Variants in IMMP2L observed in about 807,000 individuals in gnomAD.
IMMP2L encodes the protein mitochondrial inner membrane protease subunit 2.
A neutral mutation model predicts 19.3 loss-of-function variants in IMMP2L; 18 were observed. The ratio of observed to expected loss-of-function variants is 0.93; its 90% CI spans 0.64 to 1.38. The LOEUF (loss-of-function observed/expected upper bound fraction) is 1.38. IMMP2L is among the 40% of genes most tolerant of loss of function. The pLI is 0.00. For missense variants in IMMP2L, 233 were observed against 218.2 expected, an observed-to-expected ratio of 1.07 and a Z score of -0.43; for synonymous variants, 76 against 73.0, an observed-to-expected ratio of 1.04 and a Z score of -0.21.
intron 2 of IMMP2L, among the ~76,000 whole-genome samples, chr7:111,498,257 CAT>C (rs762444044): frequency 6.6e-6 from 1 of 152,058 alleles, no homozygotes; most frequent in Non-Finnish European, 1.5e-5. Flanking sequence ...GCTAATAAAA[CAT>C]GTTTTGAGAT....
intron 5 of IMMP2L, among the ~76,000 whole-genome samples, chr7:110,770,433 G>A (rs1798960760): frequency 6.6e-6 from 1 of 152,146 alleles, no homozygotes. Flanking sequence ...CAGTGAAAAT[G>A]TATTTTATTT....
intron 5 of IMMP2L, among the ~76,000 whole-genome samples, chr7:110,816,514 G>A (rs1048048856): frequency 2.6e-5 from 4 of 151,318 alleles, no homozygotes; most frequent in African/African-American, 7.3e-5. Flanking sequence ...CAATTCCTGG[G>A]TATCCTTGTT....
At chr7:110,690,385 C>T (rs1793407310) in intron 5 of IMMP2L, among the ~76,000 whole-genome samples, 1 of 152,134 alleles carries the variant, frequency 6.6e-6, no homozygotes, top group Non-Finnish European at 1.5e-5. Context: ...CTCCACATTT[C>T]CTTTAATGTT....
At chr7:110,674,888 G>A (rs1318310251) in intron 5 of IMMP2L, among the ~76,000 whole-genome samples, 1 of 151,994 alleles carries the variant, frequency 6.6e-6, no homozygotes, top group East Asian at 1.9e-4. Flanking sequence ...CTTCCAGTTT[G>A]TAATCCTCTT....
In IMMP2L at chr7:111,539,258, GAAA is replaced by G. The variant is rs1563331483; in HGVS notation, c.-2-17812_-2-17810del. Among the ~76,000 whole-genome samples the G allele has an allele frequency of 1.3e-3, 187 of 142,774 alleles. 2 individuals are homozygous for G. The highest frequency in any genetic ancestry group is 3.7e-3 in the Middle Eastern group (1 of 268). The allele number at this position is 142,774 out of a possible 152,430, so 93.7% of individuals were successfully genotyped here. A position where few individuals can be genotyped will look rare whatever the true frequency, so the allele number is the denominator to read the frequency against. ...AGAAAGAAAGAAAGAAAGAAAGAAA[GAAA>G]GAAAGAAAGAGAACATACGTCGATT... On this transcript the variant is annotated intron_variant, in intron 1 of 5. Transcript: ENST00000405709.
At chr7:111,467,020 T>C (rs1840740638) in intron 3 of IMMP2L, among the ~76,000 whole-genome samples, 1 of 152,188 alleles carries the variant, frequency 6.6e-6, no homozygotes, top group South Asian at 2.1e-4. Context: ...ACAACTGTAC[T>C]AAGTATGAGC....
At chr7:110,921,599 A>G (rs750790697) in intron 4 of IMMP2L, among the ~76,000 whole-genome samples, 5 of 152,184 alleles carry the variant, frequency 3.3e-5, no homozygotes, top group Non-Finnish European at 7.3e-5. Flanking sequence ...AACCAGGCCA[A>G]GGAGAGAAAT....
intron 4 of IMMP2L, among the ~76,000 whole-genome samples, chr7:110,892,490 G>T (rs552555579): frequency 6.6e-6 from 1 of 152,202 alleles, no homozygotes; most frequent in Non-Finnish European, 1.5e-5. Flanking sequence ...ACGGCACTTT[G>T]TATGCCTTCG....
chr7:111,507,537 A>G (rs143136088), intron 2 of IMMP2L, among the ~76,000 whole-genome samples: 2 of 152,212 alleles, frequency 1.3e-5, no homozygotes, highest in Non-Finnish European at 2.9e-5. Context: ...TCTGTTTTCT[A>G]TTAACAGTTG....
At chr7:111,147,270 G>T (rs1434792543) in intron 3 of IMMP2L, among the ~76,000 whole-genome samples, 1 of 152,042 alleles carries the variant, frequency 6.6e-6, no homozygotes, top group Non-Finnish European at 1.5e-5. Flanking sequence ...TACATTCACT[G>T]TTTTGAATCT....
intron 5 of IMMP2L, among the ~76,000 whole-genome samples, chr7:110,801,125 T>C (rs1246833379): frequency 6.6e-6 from 1 of 152,136 alleles, no homozygotes; most frequent in Non-Finnish European, 1.5e-5. Context: ...ATGACTGCTG[T>C]ACATAGTTGA....
In IMMP2L at chr7:110,803,361, A is replaced by G. The variant is rs186300124; in HGVS notation, c.408+83232T>C. On this transcript the variant is annotated intron_variant, in intron 5 of 5. Transcript: ENST00000405709. This position sits in a 1 kb window ranked among gnomAD's most constrained non-coding sequence, Gnocchi z 4.2. ...CATCAAACTGCAGAACCTGGACTCA[A>G]TTTGATCTGCCATAGAGAGACACTG... 1.6e-3 allele frequency among the ~76,000 whole-genome samples: 236 copies of G among 152,218 alleles called. No homozygotes were observed. The highest frequency in any genetic ancestry group is 5.2e-3 in the African/African-American group (218 of 41,566).
intron 4 of IMMP2L, among the ~76,000 whole-genome samples, chr7:110,942,563 T>C (rs1234360064): frequency 6.6e-6 from 1 of 151,822 alleles, no homozygotes; most frequent in African/African-American, 2.4e-5. Flanking sequence ...TCTGAATATA[T>C]ATTTAAAAGG....
chr7:111,065,300 T>C (rs1470327199), intron 3 of IMMP2L, among the ~76,000 whole-genome samples: 1 of 152,220 alleles, frequency 6.6e-6, no homozygotes, highest in Non-Finnish European at 1.5e-5. Context: ...GGTTTGGGGA[T>C]TGGTGCATTT....
At chr7:111,447,207 C>T (rs1256283201) in intron 3 of IMMP2L, among the ~76,000 whole-genome samples, 8 of 144,388 alleles carry the variant, frequency 5.5e-5, no homozygotes, top group African/African-American at 1.3e-4. Flanking sequence ...ATACAGAGAA[C>T]GCCACAAAGA....
chr7:110,777,121 A>C (rs1282020634), intron 5 of IMMP2L, among the ~76,000 whole-genome samples: 1 of 151,974 alleles, frequency 6.6e-6, no homozygotes, highest in African/African-American at 2.4e-5. Flanking sequence ...ATTCCTGAGA[A>C]TGTCTCAAAT....
At chr7:111,162,243 T>A (rs566607710) in intron 3 of IMMP2L, among the ~76,000 whole-genome samples, 3 of 152,232 alleles carry the variant, frequency 2.0e-5, no homozygotes, top group African/African-American at 7.2e-5. Context: ...GTATTTCCAA[T>A]GAGTTTTTAA....
rs143841741 is a variant in IMMP2L, at chr7:111,319,824, A to T, written c.239+167414T>A. 3.4e-3 allele frequency among the ~76,000 whole-genome samples: 513 copies of T among 152,104 alleles called. 5 individuals carry two copies. The highest frequency in any genetic ancestry group is 0.012 in the African/African-American group (490 of 41,542). On this transcript the variant is annotated intron_variant, in intron 3 of 5. Coordinates refer to ENST00000405709, the MANE Select transcript of IMMP2L (RefSeq NM_032549.4). Reference sequence around the variant, plus strand: ...CACCTTCAGGGCCCATTTCCAGGTAATGCCCAAGGCCTCCTAGGGGATAAC... The same window carrying T: ...CACCTTCAGGGCCCATTTCCAGGTATTGCCCAAGGCCTCCTAGGGGATAAC...
intron 5 of IMMP2L, among the ~76,000 whole-genome samples, chr7:110,719,309 G>C (rs1584603185): frequency 2.0e-5 from 3 of 152,058 alleles, no homozygotes. Flanking sequence ...CAAACATGAA[G>C]GTAAAATTTA....
Sources: gnomAD v4.1 joint callset for allele counts (sites outside exome capture counted in the v4.1 genomes callset) on GRCh38, gnomAD v4.1.1 for gene constraint, Gnocchi (gnomAD v3.1) non-coding constraint, MANE v1.5 for transcripts, NCBI Gene and HGNC (gene_info 2026-07-23, HGNC 2026-07-21) for gene names.